Variants in SHISA8 observed in about 807,000 individuals in gnomAD.
The protein encoded by SHISA8 is protein shisa-8.
Under a neutral mutation model 21.1 loss-of-function variants are expected in SHISA8, and 21 were observed. That is an observed-to-expected ratio of 0.99 (90% CI 0.71 to 1.43). The LOEUF (loss-of-function observed/expected upper bound fraction) is 1.43, where lower values mean the gene tolerates loss of function less well. Among genes scored for constraint, SHISA8 ranks in the 40% most tolerant of loss-of-function variants. The pLI is 0.00. For synonymous variants in SHISA8, 300 were observed against 291.4 expected (o/e 1.03, Z -0.30); for missense variants, 535 against 599.1 (o/e 0.89, Z 1.12).
chr22:41,912,280 C>T (rs73165124), intron 1 of SHISA8, among the ~76,000 whole-genome samples: 8,704 of 152,298 alleles, frequency 0.057, 303 homozygotes, highest in Non-Finnish European at 0.079. Context: ...CCTTCAGAAC[C>T]CGGAACCCAT....
rs1022919540 is a variant in SHISA8, at chr22:41,914,692, G to A, written c.-25C>T. On this transcript the variant is annotated 5_prime_UTR_variant, in exon 1 of 4. Coordinates refer to ENST00000621082, the MANE Select transcript of SHISA8 (RefSeq NM_001207020.3). This position sits in a 1 kb window ranked among gnomAD's most constrained non-coding sequence, Gnocchi z 6.8. The stretch of plus-strand genomic sequence containing the variant: ...TCGGGCCCGCGCCTCCCGCTACTGC[G>A]CCCGGTGCATGGCCGGGCGCCGCGG... The A allele has an allele frequency of 2.0e-6, 2 of 1,015,330 alleles. No homozygotes were observed. Among genetic ancestry groups the A allele is most frequent in the African/African-American group, 1.7e-5 (1 of 57,210 alleles). The allele number at this position is 1,015,330 out of a possible 1,614,324, so 62.9% of individuals were successfully genotyped here. A position where few individuals can be genotyped will look rare whatever the true frequency, so the allele number is the denominator to read the frequency against.
chr22:41,910,798 C>A lies in SHISA8; in HGVS notation c.665-244G>T, dbSNP rs1369313014. Among the ~76,000 whole-genome samples, 1 of 152,094 alleles carries A rather than the reference C, an allele frequency of 6.6e-6. No individual in the cohort carries two copies. The highest frequency in any genetic ancestry group is 1.5e-5 in the Non-Finnish European group (1 of 68,002). ...GGGGGTGCCACCCTCATGAACGGCT[C>A]GCCCGGAGGCGACGCTCGAGCCAGG... On this transcript the variant is annotated intron_variant, in intron 2 of 3. Coordinates refer to ENST00000621082, the MANE Select transcript of SHISA8 (RefSeq NM_001207020.3). The surrounding 1 kb of genome is among the most constrained non-coding windows in gnomAD (Gnocchi z 6.8).
rs1171820740 is a variant in SHISA8, at chr22:41,909,673, GC to G, written c.*91del. On this transcript the variant is annotated 3_prime_UTR_variant, in exon 4 of 4. Coordinates refer to ENST00000621082, the MANE Select transcript of SHISA8 (RefSeq NM_001207020.3). ...GCCGTTGAGGCAGACAGAAGAGCTGGCCTTACGGCAGGCGCTCCTCTCCCTG... is the reference window on the plus strand; with the variant it reads ...GCCGTTGAGGCAGACAGAAGAGCTGGCTTACGGCAGGCGCTCCTCTCCCTG... 1 of 1,321,346 alleles carries G rather than the reference GC, an allele frequency of 7.6e-7. No homozygotes were observed. The highest frequency in any genetic ancestry group is 9.6e-7 in the Non-Finnish European group (1 of 1,036,546). The allele number at this position is 1,321,346 out of a possible 1,614,324, so 81.9% of individuals were successfully genotyped here.
rs1464872515 is a variant in SHISA8 at position 41,909,984 on chromosome 22, A to G, written c.975T>C (p.Tyr325=). ...VYAPPAAPGP[Y]AAWTSSRPAR... is the part of the protein sequence containing the mutation. ...CCGGGCGACTGGAGGTCCAGGCGGCATAGGGGCCCGGCGCGGCAGGGGGCG... is the reference window on the plus strand; with the variant it reads ...CCGGGCGACTGGAGGTCCAGGCGGCGTAGGGGCCCGGCGCGGCAGGGGGCG... Residue 325 remains tyrosine (Y), a synonymous_variant, in exon 4 of 4, where the codon TAT becomes TAC. Coordinates refer to ENST00000621082, the MANE Select transcript of SHISA8 (RefSeq NM_001207020.3). The G allele has an allele frequency of 7.5e-7, 1 of 1,341,202 alleles. No homozygotes were observed. Among genetic ancestry groups the G allele is most frequent in the Admixed American group, 4.0e-5 (1 of 24,754 alleles). 83.1% of individuals were successfully genotyped at this position (1,341,202 alleles called of 1,614,324 possible).
chr22:41,914,219 G>GC lies in SHISA8; in HGVS notation c.448dup (p.Ala150GlyfsTer218). On this transcript the variant is annotated frameshift_variant, in exon 1 of 4. Coordinates refer to ENST00000621082, the MANE Select transcript of SHISA8 (RefSeq NM_001207020.3). LOFTEE classifies it high-confidence loss of function. This position sits in a 1 kb window ranked among gnomAD's most constrained non-coding sequence, Gnocchi z 6.8. ...CCCGATGCCGGCCAGCACCAGCAGC[G>GC]CTGCGACGCCGCACACAGCGTAGAC... 2 of 1,453,706 alleles carry GC rather than the reference G, an allele frequency of 1.4e-6. No homozygotes were observed. Among genetic ancestry groups the GC allele is most frequent in the Non-Finnish European group, 1.8e-6 (2 of 1,112,400 alleles). The allele number at this position is 1,453,706 out of a possible 1,614,324, so 90.1% of individuals were successfully genotyped here.
Position 41,910,236 on chromosome 22 carries a change from G to A in SHISA8, c.812-89C>T. 4.9e-6 allele frequency: 6 copies of A among 1,226,320 alleles called. No individual in the cohort carries two copies. In the South Asian group the frequency reaches 1.9e-4, roughly 39 times the overall value. 76.0% of individuals were successfully genotyped at this position (1,226,320 alleles called of 1,614,324 possible). A position where few individuals can be genotyped will look rare whatever the true frequency, so the allele number is the denominator to read the frequency against. ...GGGTCCCGGCCGGGGACTGGGACGG[G>A]GACCGGGCCGGGGCGGGCCGGGGGC... On this transcript the variant is annotated intron_variant, in intron 3 of 3. Transcript: ENST00000621082. This position sits in a 1 kb window ranked among gnomAD's most constrained non-coding sequence, Gnocchi z 6.8.
chr22:41,914,311 C>A lies in SHISA8; in HGVS notation c.357G>T (p.Arg119=), dbSNP rs1479797698. ...YDTPAWVQTG[R]PPARARDTAA... ...CGGTGTCGCGGGCGCGGGCGGGCGG[C>A]CGGCCTGTCTGGACCCAGGCCGGCG... The change falls in exon 1 of 4, where the codon CGG becomes CGT. Residue 119 remains arginine, a synonymous_variant. Coordinates refer to ENST00000621082, the MANE Select transcript of SHISA8 (RefSeq NM_001207020.3). The surrounding 1 kb of genome is among the most constrained non-coding windows in gnomAD (Gnocchi z 6.8). 2 of 1,175,906 alleles carry A rather than the reference C, an allele frequency of 1.7e-6. No homozygotes were observed. The highest frequency in any genetic ancestry group is 1.6e-5 in the African/African-American group (1 of 61,016). The allele number at this position is 1,175,906 out of a possible 1,614,324, so 72.8% of individuals were successfully genotyped here.
rs2077578662 is a variant in SHISA8, at chr22:41,914,976, C to A, written c.-309G>T. 6.6e-6 allele frequency among the ~76,000 whole-genome samples: 1 copy of A among 151,730 alleles called. No homozygotes were observed. Among genetic ancestry groups the A allele is most frequent in the Non-Finnish European group, 1.5e-5 (1 of 67,888 alleles). Reference sequence around the variant, plus strand: ...GGCCCCCGGCTTCTCCCCGGCCCGGCAGGTGTGCGGGTCTTGGCCCTAGCG... The same window carrying A: ...GGCCCCCGGCTTCTCCCCGGCCCGGAAGGTGTGCGGGTCTTGGCCCTAGCG... On this transcript the variant is annotated 5_prime_UTR_variant, in exon 1 of 4. Transcript: ENST00000621082. This position sits in a 1 kb window ranked among gnomAD's most constrained non-coding sequence, Gnocchi z 6.8.
At position 41,914,837 on chromosome 22, in the gene SHISA8, G is replaced by A. The variant is rs1052758132; in HGVS notation, c.-170C>T. Among the ~76,000 whole-genome samples, 7 of 151,162 alleles carry A rather than the reference G, an allele frequency of 4.6e-5. No individual in the cohort carries two copies. The highest frequency in any genetic ancestry group is 3.2e-3 in the Middle Eastern group (1 of 314). On this transcript the variant is annotated 5_prime_UTR_variant, in exon 1 of 4. Transcript: ENST00000621082. The surrounding 1 kb of genome is among the most constrained non-coding windows in gnomAD (Gnocchi z 6.8). ...CCGAGTGGGCTGGGTCTGGAGCTCCGAGGCCGCACCTCCGGTGGGCGCGTC... is the reference window on the plus strand; with the variant it reads ...CCGAGTGGGCTGGGTCTGGAGCTCCAAGGCCGCACCTCCGGTGGGCGCGTC...
chr22:41,911,608 G>C (rs889535774), intron 1 of SHISA8, among the ~76,000 whole-genome samples: 1 of 151,882 alleles, frequency 6.6e-6, no homozygotes, highest in Non-Finnish European at 1.5e-5. Context: ...CCCCTCCCTG[G>C]AGCCCACTCT....
In SHISA8 at chr22:41,910,394, C is replaced by A; in HGVS notation, c.811+14G>T. ...CGCCCAGGTGCCCTGACGCTGCCCG[C>A]ACCCGCCACTCACCTGCGGCCTTGA... On this transcript the variant is annotated intron_variant, in intron 3 of 3. Coordinates refer to ENST00000621082, the MANE Select transcript of SHISA8 (RefSeq NM_001207020.3). This position sits in a 1 kb window ranked among gnomAD's most constrained non-coding sequence, Gnocchi z 6.8. The A allele has an allele frequency of 7.7e-7, 1 of 1,304,108 alleles. No individual in the cohort carries two copies. Among genetic ancestry groups the A allele is most frequent in the Non-Finnish European group, 9.7e-7 (1 of 1,025,860 alleles). 80.8% of individuals were successfully genotyped at this position (1,304,108 alleles called of 1,614,324 possible). A position where few individuals can be genotyped will look rare whatever the true frequency, so the allele number is the denominator to read the frequency against.
chr22:41,913,190 T>TCACC (rs1183649036), intron 1 of SHISA8, among the ~76,000 whole-genome samples: 2 of 152,194 alleles, frequency 1.3e-5, no homozygotes, highest in Non-Finnish European at 2.9e-5. Flanking sequence ...AAGGAAGCCC[T>TCACC]CACCCCCTGC....
chr22:41,911,421 C>G (rs1602363561), intron 1 of SHISA8, 72 bp from the exon 2 acceptor site: 1 of 1,231,244 alleles, frequency 8.1e-7, no homozygotes, highest in South Asian at 4.0e-5. Context: ...CCACCACCGT[C>G]TCACCGTGTG....
At position 41,910,376 on chromosome 22, in the gene SHISA8, G is replaced by C. The variant is rs549671535; in HGVS notation, c.811+32C>G. On this transcript the variant is annotated intron_variant, in intron 3 of 3. Transcript: ENST00000621082. This position sits in a 1 kb window ranked among gnomAD's most constrained non-coding sequence, Gnocchi z 6.8. ...GCAGTCCGGGAGCTCGTGCGCCCAG[G>C]TGCCCTGACGCTGCCCGCACCCGCC... is the stretch of plus-strand genomic sequence containing the variant. The C allele has an allele frequency of 6.4e-5, 80 of 1,246,580 alleles. No homozygotes were observed. The African/African-American group carries it at 1.1e-3, about 17-fold the overall frequency. 77.2% of individuals were successfully genotyped at this position (1,246,580 alleles called of 1,614,324 possible).
chr22:41,914,499 C>T lies in SHISA8; in HGVS notation c.169G>A (p.Gly57Ser). Residue 57 changes from glycine (G) to serine (S), a missense_variant, in exon 1 of 4, where the codon GGC becomes AGC. Physicochemically the swap from Gly to Ser is moderately conservative, Grantham distance 56. Transcript: ENST00000621082. This position sits in a 1 kb window ranked among gnomAD's most constrained non-coding sequence, Gnocchi z 6.8. ...AAPGTTAPEGGDRCRGYYDVM... is the reference protein window; with the variant it reads ...AAPGTTAPEGSDRCRGYYDVM... ...TCGTAGTAGCCGCGGCAGCGGTCGC[C>T]CCCCTCCGGGGCTGTCGTGCCGGGC... The T allele has an allele frequency of 7.8e-7, 1 of 1,281,858 alleles. No homozygotes were observed. The highest frequency in any genetic ancestry group is 9.9e-7 in the Non-Finnish European group (1 of 1,012,562). 79.4% of individuals were successfully genotyped at this position (1,281,858 alleles called of 1,614,324 possible).
chr22:41,911,234 A>G lies in SHISA8; in HGVS notation c.646T>C (p.Ser216Pro), dbSNP rs1277404675. 2 of 1,278,406 alleles carry G rather than the reference A, an allele frequency of 1.6e-6. No homozygotes were observed. Among genetic ancestry groups the G allele is most frequent in the South Asian group, 2.7e-5 (1 of 36,942 alleles). 79.2% of individuals were successfully genotyped at this position (1,278,406 alleles called of 1,614,324 possible). The change falls in exon 2 of 4, where the codon TCC becomes CCC. Residue 216 changes from serine (S) to proline (P), a missense_variant. Transcript: ENST00000621082. ...GACTCACCTGCGCTGTTGTGGGGGGAGCCCCGGGGGAGGCCGTCCCCCATC... is the reference window on the plus strand; with the variant it reads ...GACTCACCTGCGCTGTTGTGGGGGGGGCCCCGGGGGAGGCCGTCCCCCATC... ...VQMGDGLPRG[S>P]PHNSADKKRL...
chr22:41,913,459 C>T (rs184942865), intron 1 of SHISA8, among the ~76,000 whole-genome samples: 5 of 152,176 alleles, frequency 3.3e-5, no homozygotes, highest in African/African-American at 4.8e-5. Flanking sequence ...TCGTTCCAAC[C>T]GAGGAAGGGG....
intron 1 of SHISA8, among the ~76,000 whole-genome samples, chr22:41,912,023 G>A (rs139218650): frequency 0.017 from 2,643 of 152,314 alleles, 87 homozygotes; most frequent in African/African-American, 0.059. Context: ...GAGCCACCGC[G>A]CCCGGCCCAG....
rs893808084 is a variant in SHISA8 at position 41,914,002 on chromosome 22, G to C, written c.530+136C>G. On this transcript the variant is annotated intron_variant, in intron 1 of 3. Transcript: ENST00000621082. This position sits in a 1 kb window ranked among gnomAD's most constrained non-coding sequence, Gnocchi z 6.8. ...CTGATGAAGTGTTGGGGGGGCGGCG[G>C]GGGGAGAAGGAGACAGGAAAACCCA... 72 of 938,272 alleles carry C rather than the reference G, an allele frequency of 7.7e-5. No homozygotes were observed. The highest frequency in any genetic ancestry group is 3.9e-4 in the Middle Eastern group (1 of 2,594). The allele number at this position is 938,272 out of a possible 1,614,324, so 58.1% of individuals were successfully genotyped here.
Sources: allele counts gnomAD v4.1 joint callset (sites outside exome capture counted in the v4.1 genomes callset), GRCh38; gene constraint gnomAD v4.1.1; non-coding constraint Gnocchi (gnomAD v3.1); transcripts MANE v1.5; gene names NCBI Gene and HGNC (gene_info 2026-07-23, HGNC 2026-07-21).